USP34: variants seen among roughly 807,000 people sequenced by gnomAD.
USP34 encodes the protein ubiquitin specific peptidase 34, also known as ubiquitin carboxyl-terminal hydrolase 34.
A neutral mutation model predicts 460.3 loss-of-function variants in USP34; 70 were observed. That is an observed-to-expected ratio of 0.15 (90% confidence interval 0.13 to 0.19). USP34 has a LOEUF of 0.19. Among genes scored for constraint, USP34 ranks in the 10% least tolerant of loss-of-function variants. USP34 has a pLI of 1.00. For missense variants in USP34, 3,985 were observed against 4,236.2 expected (o/e 0.94, Z 1.65); for synonymous variants, 1,647 against 1,405.3 (o/e 1.17, Z -3.85).
At chr2:61,363,782 T>C (rs1049366277) in intron 10 of USP34, among the ~76,000 whole-genome samples, 1 of 152,188 alleles carries the variant, frequency 6.6e-6, no homozygotes, top group Non-Finnish European at 1.5e-5. Context: ...TTACTCATAA[T>C]ATCCAAAAGG....
intron 1 of USP34, among the ~76,000 whole-genome samples, chr2:61,445,290 C>CT (rs1695078557): frequency 6.8e-6 from 1 of 146,046 alleles, no homozygotes; most frequent in Non-Finnish European, 1.5e-5. Context: ...AATCCCAGCA[C>CT]TTTGGGAGGC....
intron 75 of USP34, among the ~76,000 whole-genome samples, chr2:61,194,996 C>T (rs1468921993): frequency 6.7e-6 from 1 of 150,342 alleles, no homozygotes; most frequent in Admixed American, 6.6e-5. Context: ...TGGTGACTCA[C>T]GCTGGTAATC....
intron 41 of USP34, among the ~76,000 whole-genome samples, chr2:61,276,979 A>G (rs147677433): frequency 4.6e-4 from 70 of 152,324 alleles, no homozygotes; most frequent in Admixed American, 1.2e-3. Context: ...AATGACCAGG[A>G]CAAATGCACC....
At chr2:61,465,009 A>G (rs538419849) in intron 1 of USP34, among the ~76,000 whole-genome samples, 1 of 152,200 alleles carries the variant, frequency 6.6e-6, no homozygotes, top group Non-Finnish European at 1.5e-5. Flanking sequence ...CCACAAAATG[A>G]TAACAGCAAA....
chr2:61,257,386 T>A, intron 44 of USP34, 36 bp from the exon 45 acceptor site: 1 of 1,516,400 alleles, frequency 6.6e-7, no homozygotes, highest in Non-Finnish European at 8.8e-7. Flanking sequence ...AAGTGTCAGA[T>A]AAAAATAAGA....
intron 61 of USP34, among the ~76,000 whole-genome samples, chr2:61,227,525 A>C (rs1341526404): frequency 6.6e-6 from 1 of 152,142 alleles, no homozygotes; most frequent in Non-Finnish European, 1.5e-5. Flanking sequence ...AGCCTGGCCG[A>C]CATGGTGAAA....
At chr2:61,223,010 T>C in intron 64 of USP34, 50 bp downstream of exon 64, 3 of 1,506,724 alleles carry the variant, frequency 2.0e-6, no homozygotes, top group Non-Finnish European at 2.7e-6. Flanking sequence ...TTTCAGGGTA[T>C]TCTTTTTTAA....
rs773395459 is a variant in USP34, at chr2:61,206,720, A to G, written c.9046+40T>C. On this transcript the variant is annotated intron_variant, in intron 71 of 79. Coordinates refer to ENST00000398571, the MANE Select transcript of USP34 (RefSeq NM_014709.4). The stretch of plus-strand genomic sequence containing the variant: ...TTTTAAAACCTTCTCTCTCTTTACT[A>G]GTAGCACGAACAAAACATAAGAAGT... 13 of 1,604,844 alleles carry G rather than the reference A, an allele frequency of 8.1e-6. No homozygotes were observed. The South Asian group carries it at 1.2e-4, about 15-fold the overall frequency.
Position 61,189,087 on chromosome 2 carries a change from G to C in USP34, c.9874-18C>G, listed in dbSNP as rs755606236. ...CTCAGGTCCTACAAAAACCCAGATAGGAACATTTCAAATTCTAAAGCCAAC... is the reference window on the plus strand; with the variant it reads ...CTCAGGTCCTACAAAAACCCAGATACGAACATTTCAAATTCTAAAGCCAAC... On this transcript the variant is annotated intron_variant, in intron 78 of 79. Transcript: ENST00000398571. 43 of 1,598,690 alleles carry C rather than the reference G, an allele frequency of 2.7e-5. No individual in the cohort carries two copies. The highest frequency in any genetic ancestry group is 3.7e-5 in the Non-Finnish European group (43 of 1,174,178).
At chr2:61,444,176 G>A (rs1016817894) in intron 1 of USP34, among the ~76,000 whole-genome samples, 2 of 152,090 alleles carry the variant, frequency 1.3e-5, no homozygotes, top group Admixed American at 1.3e-4. Context: ...GATCACTTGG[G>A]CCCAGAAGGT....
chr2:61,451,238 A>AAAAAAAAAAAAAAAAAAAAAAAAT (rs1695266613), intron 1 of USP34, among the ~76,000 whole-genome samples: 1 of 150,604 alleles, frequency 6.6e-6, no homozygotes, highest in Non-Finnish European at 1.5e-5. Context: ...AAAAAAAAAA[A>AAAAAAAAAAAAAAAAAAAAAAAAT]AAAAAAAGAA....
intron 2 of USP34, among the ~76,000 whole-genome samples, chr2:61,412,932 G>A (rs940711550): frequency 6.8e-6 from 1 of 146,158 alleles, no homozygotes; most frequent in African/African-American, 2.5e-5. Flanking sequence ...AAGTAATCAA[G>A]AAGGGTACAA....
In USP34 at chr2:61,211,908, G is replaced by C; in HGVS notation, c.8704C>G (p.Leu2902Val). The C allele has an allele frequency of 6.2e-7, 1 of 1,606,738 alleles. No homozygotes were observed. Among genetic ancestry groups the C allele is most frequent in the South Asian group, 1.1e-5 (1 of 89,780 alleles). ...YPGAVEELFN[L>V]MQLFIAQRPD... is the part of the protein sequence containing the mutation. Reference sequence around the variant, plus strand: ...CTCTGAGCTATAAACAGCTGCATCAGGTTAAACAGTTCTTCTACTGCCTAA... The same window carrying C: ...CTCTGAGCTATAAACAGCTGCATCACGTTAAACAGTTCTTCTACTGCCTAA... The change falls in exon 69 of 80, where the codon CTG (leucine) becomes GTG (valine). Residue 2902 changes from leucine to valine, a missense_variant. By Grantham distance (32) the Leu-to-Val change is conservative. Around this residue, in one of 14 missense-constraint regions of USP34, gnomAD observed 275 missense variants for 292.7 expected, o/e 0.94. Coordinates refer to ENST00000398571, the MANE Select transcript of USP34 (RefSeq NM_014709.4).
chr2:61,450,109 A>AG (rs397716533), intron 1 of USP34, among the ~76,000 whole-genome samples: 1 of 151,844 alleles, frequency 6.6e-6, no homozygotes, highest in Non-Finnish European at 1.5e-5. Flanking sequence ...ACAAAAAAAA[A>AG]GGACTGAAGT....
chr2:61,236,424 AG>A (rs1223426692), intron 53 of USP34, 35 bp from the exon 54 acceptor site: 1 of 1,450,976 alleles, frequency 6.9e-7, no homozygotes, highest in Admixed American at 2.2e-5. Flanking sequence ...GTGATAAAGC[AG>A]TTTACTTCAT....
At chr2:61,403,859 G>A (rs1400027198) in intron 3 of USP34, among the ~76,000 whole-genome samples, 3 of 151,886 alleles carry the variant, frequency 2.0e-5, no homozygotes, top group Non-Finnish European at 4.4e-5. Context: ...CGGGCATGGT[G>A]GCGGGCACCT....
chr2:61,469,665 G>A (rs1695889307), intron 1 of USP34, among the ~76,000 whole-genome samples: 1 of 152,206 alleles, frequency 6.6e-6, no homozygotes, highest in South Asian at 2.1e-4. Flanking sequence ...CTGAAAGTCT[G>A]TGGAAATATC....
At chr2:61,192,490 A>G (rs1686671288) in intron 76 of USP34, among the ~76,000 whole-genome samples, 2 of 152,336 alleles carry the variant, frequency 1.3e-5, no homozygotes, top group Middle Eastern at 3.4e-3. Context: ...ATGAAAAGCT[A>G]AAGGACAGAC....
At chr2:61,193,146 T>C in intron 75 of USP34, 166 bp from the exon 76 acceptor site, 1 of 570,674 alleles carries the variant, frequency 1.8e-6, no homozygotes, top group Non-Finnish European at 3.1e-6. Context: ...TAGTGAAATA[T>C]CTTAGAATGT....
Sources: allele counts gnomAD v4.1 joint callset (sites outside exome capture counted in the v4.1 genomes callset), GRCh38; gene constraint gnomAD v4.1.1; regional missense constraint gnomAD v4.1.1; transcripts MANE v1.5; gene names NCBI Gene and HGNC (gene_info 2026-07-23, HGNC 2026-07-21).